PRKCE: variants seen among roughly 807,000 people sequenced by gnomAD.
PRKCE encodes the protein protein kinase C epsilon.
In PRKCE, 16 loss-of-function variants were observed where a neutral mutation model predicts 85.4. The observed-to-expected ratio is 0.19, with a 90% confidence interval of 0.13 to 0.28. The LOEUF is 0.28. Among genes scored for constraint, PRKCE ranks in the 10% least tolerant of loss-of-function variants. The pLI, the probability that PRKCE is intolerant of heterozygous loss-of-function variation, is 1.00. For synonymous variants in PRKCE, 388 were observed against 371.5 expected, an observed-to-expected ratio of 1.04 and a Z score of -0.51; for missense variants, 573 against 975.2, an observed-to-expected ratio of 0.59 and a Z score of 5.49.
intron 1 of PRKCE, among the ~76,000 whole-genome samples, chr2:45,790,420 C>A (rs1285788132): frequency 6.6e-6 from 1 of 152,250 alleles, no homozygotes; most frequent in Non-Finnish European, 1.5e-5. Flanking sequence ...AGCCTCAAAT[C>A]TGCTAATAGG....
chr2:45,939,884 A>C (rs1699756316), intron 2 of PRKCE, among the ~76,000 whole-genome samples: 1 of 152,174 alleles, frequency 6.6e-6, no homozygotes, highest in Non-Finnish European at 1.5e-5. Context: ...TGCTTGCTGT[A>C]AATTGTTTTG....
At chr2:46,079,524 A>T (rs948941355) in intron 10 of PRKCE, among the ~76,000 whole-genome samples, 3 of 152,168 alleles carry the variant, frequency 2.0e-5, no homozygotes, top group African/African-American at 7.2e-5. Flanking sequence ...CATGGAGGGG[A>T]GAAGATGTTT....
chr2:45,807,291 G>T (rs970055578), intron 1 of PRKCE, among the ~76,000 whole-genome samples: 10 of 152,254 alleles, frequency 6.6e-5, no homozygotes, highest in African/African-American at 2.2e-4. Flanking sequence ...ACAGTGGAAT[G>T]ATCAAAGATG....
intron 1 of PRKCE, among the ~76,000 whole-genome samples, 167 bp from the exon 2 acceptor site, chr2:45,842,833 C>A (rs1691467502): frequency 6.6e-6 from 1 of 152,210 alleles, no homozygotes; most frequent in East Asian, 1.9e-4. Context: ...GGGTATGCAT[C>A]AGTCCTCCCA....
At chr2:45,853,954 C>G (rs752156306) in intron 2 of PRKCE, among the ~76,000 whole-genome samples, 2 of 152,206 alleles carry the variant, frequency 1.3e-5, no homozygotes, top group East Asian at 3.8e-4. Flanking sequence ...TTGCCACCTC[C>G]TGGGAGCCTT....
intron 2 of PRKCE, among the ~76,000 whole-genome samples, chr2:45,875,185 C>T (rs1404301016): frequency 6.6e-6 from 1 of 152,164 alleles, no homozygotes; most frequent in East Asian, 1.9e-4. Context: ...GAAAATATTG[C>T]AGTGCAGTCT....
chr2:45,911,140 A>G (rs1697352461), intron 2 of PRKCE, among the ~76,000 whole-genome samples: 1 of 152,250 alleles, frequency 6.6e-6, no homozygotes, highest in South Asian at 2.1e-4. Context: ...CCCAGGAGAT[A>G]CTGACCACTG....
intron 11 of PRKCE, among the ~76,000 whole-genome samples, chr2:46,116,893 G>C (rs1463052527): frequency 6.6e-6 from 1 of 152,166 alleles, no homozygotes; most frequent in Non-Finnish European, 1.5e-5. Context: ...CGGAGAGCAG[G>C]CATTTCACTT....
rs1414042478 is a variant in PRKCE, at chr2:45,836,000, T to C, written c.349-7000T>C. 2.6e-5 allele frequency among the ~76,000 whole-genome samples: 4 copies of C among 152,240 alleles called. No homozygotes were observed. The East Asian group carries it at 7.7e-4, about 29-fold the overall frequency. On this transcript the variant is annotated intron_variant, in intron 1 of 14. Coordinates refer to ENST00000306156, the MANE Select transcript of PRKCE (RefSeq NM_005400.3). The stretch of plus-strand genomic sequence containing the variant: ...ATTTGGGACATTTCCAGTTTTGGGC[T>C]GTTAGGAATGAAGCTGCTGTGAACA...
At chr2:45,904,756 C>G (rs960883000) in intron 2 of PRKCE, among the ~76,000 whole-genome samples, 2 of 152,214 alleles carry the variant, frequency 1.3e-5, no homozygotes, top group African/African-American at 2.4e-5. Context: ...ATGCGCTCCT[C>G]TTTCCCAAGA....
chr2:46,056,997 C>G (rs1163681886), intron 10 of PRKCE, among the ~76,000 whole-genome samples: 2 of 152,052 alleles, frequency 1.3e-5, no homozygotes, highest in African/African-American at 4.8e-5. Context: ...AGGGTTTGAA[C>G]AGTGGGGATG....
At chr2:46,031,719 T>C (rs913750817) in intron 10 of PRKCE, among the ~76,000 whole-genome samples, 5 of 151,622 alleles carry the variant, frequency 3.3e-5, no homozygotes, top group African/African-American at 9.7e-5. Flanking sequence ...GCCAGTGTGA[T>C]TACACCCAGC....
At chr2:45,903,511 C>T (rs1225227978) in intron 2 of PRKCE, among the ~76,000 whole-genome samples, 1 of 152,202 alleles carries the variant, frequency 6.6e-6, no homozygotes, top group South Asian at 2.1e-4. Context: ...AGATACAGGA[C>T]ACCGTTAAAT....
intron 3 of PRKCE, among the ~76,000 whole-genome samples, chr2:45,977,900 T>G (rs13396424): frequency 0.18 from 27,473 of 152,166 alleles, 3,510 homozygotes; most frequent in East Asian, 0.56. Flanking sequence ...TCATGAACCC[T>G]TGGATCCAAC....
intron 2 of PRKCE, among the ~76,000 whole-genome samples, chr2:45,924,998 G>C (rs1176944311): frequency 6.6e-6 from 1 of 152,218 alleles, no homozygotes; most frequent in Non-Finnish European, 1.5e-5. Flanking sequence ...CACAGCCAGA[G>C]TTCTTAATAG....
At chr2:45,739,878 A>T (rs908002330) in intron 1 of PRKCE, among the ~76,000 whole-genome samples, 1 of 152,220 alleles carries the variant, frequency 6.6e-6, no homozygotes, top group African/African-American at 2.4e-5. Flanking sequence ...AAAAAACCTT[A>T]AATCCTCTTT....
At chr2:45,998,739 T>A (rs1343000290) in intron 6 of PRKCE, among the ~76,000 whole-genome samples, 1 of 152,232 alleles carries the variant, frequency 6.6e-6, no homozygotes, top group Non-Finnish European at 1.5e-5. Context: ...ATTCTTTGTT[T>A]CTATGTTTGT....
intron 1 of PRKCE, among the ~76,000 whole-genome samples, chr2:45,839,149 C>T (rs1468069330): frequency 6.6e-6 from 1 of 150,702 alleles, no homozygotes; most frequent in East Asian, 1.9e-4. Flanking sequence ...TTTTTTTTAA[C>T]TAAGGTAAGG....
intron 1 of PRKCE, among the ~76,000 whole-genome samples, chr2:45,772,384 G>A (rs1478895447): frequency 6.6e-6 from 1 of 152,136 alleles, no homozygotes. Flanking sequence ...GGTGGTAGAA[G>A]TAAGGAGGGA....
Sources: allele counts gnomAD v4.1 joint callset (sites outside exome capture counted in the v4.1 genomes callset), GRCh38; gene constraint gnomAD v4.1.1; transcripts MANE v1.5; gene names NCBI Gene and HGNC (gene_info 2026-07-23, HGNC 2026-07-21).